TRPM3: variants seen among roughly 807,000 people sequenced by gnomAD.
TRPM3 encodes transient receptor potential cation channel subfamily M member 3, also known as long transient receptor potential channel 3.
Under a neutral mutation model 181.2 loss-of-function variants are expected in TRPM3, and 77 were observed. The ratio of observed to expected loss-of-function variants is 0.42; its 90% CI spans 0.35 to 0.51. TRPM3 has a LOEUF of 0.51. TRPM3 is among the 20% of genes least tolerant of loss of function. The pLI is 0.01. For missense variants in TRPM3, 1,759 were observed against 2,196.7 expected (o/e 0.80, Z 3.98); for synonymous variants, 745 against 796.4 (o/e 0.94, Z 1.09).
At chr9:71,261,767 G>A (rs1306678510) in intron 1 of TRPM3, among the ~76,000 whole-genome samples, 2 of 152,164 alleles carry the variant, frequency 1.3e-5, no homozygotes, top group Non-Finnish European at 2.9e-5. Context: ...CCCCTTTTCT[G>A]CAGGTCTGCT....
Position 70,620,459 on chromosome 9 carries a change from G to T in TRPM3, c.1840-94C>A. ...GTATATCTTCTCCCAGCTAGCTCTG[G>T]GATCAATACTGAAATGAACGAGGCC... On this transcript the variant is annotated intron_variant, in intron 15 of 25. Transcript: ENST00000677713. 5.8e-6 allele frequency: 8 copies of T among 1,379,764 alleles called. No homozygotes were observed. The South Asian group carries it at 1.1e-4, about 19-fold the overall frequency. 85.5% of individuals were successfully genotyped at this position (1,379,764 alleles called of 1,614,324 possible).
intron 1 of TRPM3, among the ~76,000 whole-genome samples, chr9:70,948,199 T>C (rs1164235759): frequency 6.6e-6 from 1 of 151,898 alleles, no homozygotes; most frequent in Non-Finnish European, 1.5e-5. Context: ...TAATATATCA[T>C]CTTGGCTTAT....
At chr9:71,140,846 T>C (rs1467124885) in intron 1 of TRPM3, among the ~76,000 whole-genome samples, 1 of 152,080 alleles carries the variant, frequency 6.6e-6, no homozygotes, top group African/African-American at 2.4e-5. Context: ...AATATAAACA[T>C]AAGCAAGGTA....
rs191862130 is a variant in TRPM3 at position 70,577,103 on chromosome 9, C to A, written c.3223+13928G>T. 3.9e-5 allele frequency among the ~76,000 whole-genome samples: 6 copies of A among 152,306 alleles called. No individual in the cohort carries two copies. The East Asian group carries it at 1.2e-3, about 29-fold the overall frequency. ...TTTTCTCCCTGGCAGTTATGACCACCCCAAAGTATGCTGTTTATTTGTTGA... is the reference window on the plus strand; with the variant it reads ...TTTTCTCCCTGGCAGTTATGACCACACCAAAGTATGCTGTTTATTTGTTGA... On this transcript the variant is annotated intron_variant, in intron 22 of 25. Transcript: ENST00000677713.
chr9:70,814,692 C>T (rs866376570), intron 6 of TRPM3, among the ~76,000 whole-genome samples: 1 of 151,972 alleles, frequency 6.6e-6, no homozygotes, highest in African/African-American at 2.4e-5. Flanking sequence ...AAAGGAGAAG[C>T]GGATTGCCAG....
At chr9:71,162,315 T>G (rs1185255620) in intron 1 of TRPM3, among the ~76,000 whole-genome samples, 2 of 152,046 alleles carry the variant, frequency 1.3e-5, no homozygotes, top group African/African-American at 2.4e-5. Context: ...TTTTCTGGCT[T>G]TCTGGTAACC....
chr9:71,297,459 T>C (rs2086382147), intron 1 of TRPM3, among the ~76,000 whole-genome samples: 1 of 152,116 alleles, frequency 6.6e-6, no homozygotes, highest in Non-Finnish European at 1.5e-5. Context: ...TCTGCCAGCC[T>C]GGGGAGGCCT....
intron 1 of TRPM3, among the ~76,000 whole-genome samples, chr9:71,113,921 C>G (rs1173148974): frequency 6.6e-6 from 1 of 152,146 alleles, no homozygotes; most frequent in African/African-American, 2.4e-5. Context: ...TCCAAGTTTG[C>G]AAGGTCCACC....
At chr9:70,979,069 C>G (rs190976990) in intron 1 of TRPM3, among the ~76,000 whole-genome samples, 202 of 152,292 alleles carry the variant, frequency 1.3e-3, no homozygotes, top group African/African-American at 4.6e-3. Flanking sequence ...ACAACTACAA[C>G]TACTTTCAGG....
At chr9:71,407,621 G>A (rs2093462081) in intron 1 of TRPM3, among the ~76,000 whole-genome samples, 1 of 152,234 alleles carries the variant, frequency 6.6e-6, no homozygotes, top group African/African-American at 2.4e-5. Context: ...ACACCTGCCT[G>A]CCTCTGTAGA....
intron 6 of TRPM3, among the ~76,000 whole-genome samples, chr9:70,797,427 G>T (rs1027992058): frequency 6.6e-6 from 1 of 152,064 alleles, no homozygotes; most frequent in Non-Finnish European, 1.5e-5. Flanking sequence ...AAATGTAGTG[G>T]GTTTTTAGGA....
At chr9:71,046,101 C>T (rs373783128) in intron 1 of TRPM3, among the ~76,000 whole-genome samples, 17 of 151,988 alleles carry the variant, frequency 1.1e-4, no homozygotes, top group Middle Eastern at 3.4e-3. Flanking sequence ...AAGCAATTCT[C>T]TGCCTCAGCC....
At chr9:71,072,333 A>G (rs1211911069) in intron 1 of TRPM3, among the ~76,000 whole-genome samples, 2 of 152,112 alleles carry the variant, frequency 1.3e-5, no homozygotes, top group Non-Finnish European at 2.9e-5. Flanking sequence ...TCTACAAAGC[A>G]TTTTGTCTTA....
At chr9:70,836,960 G>A (rs776842885) in intron 5 of TRPM3, among the ~76,000 whole-genome samples, 2 of 152,158 alleles carry the variant, frequency 1.3e-5, no homozygotes, top group African/African-American at 4.8e-5. Context: ...CACTAGAACC[G>A]CATTTCCCAC....
intron 1 of TRPM3, among the ~76,000 whole-genome samples, chr9:71,366,983 A>G (rs930159330): frequency 6.6e-6 from 1 of 152,192 alleles, no homozygotes; most frequent in African/African-American, 2.4e-5. Context: ...AGGCAGATAG[A>G]GGCATTAACT....
At chr9:71,324,660 T>C (rs1281794914) in intron 1 of TRPM3, among the ~76,000 whole-genome samples, 4 of 152,100 alleles carry the variant, frequency 2.6e-5, no homozygotes, top group Non-Finnish European at 5.9e-5. Context: ...AAAAGGATAC[T>C]GCACTCACAT....
chr9:71,096,560 GCACACACACACA>G (rs35388140), intron 1 of TRPM3, among the ~76,000 whole-genome samples: 2 of 78,372 alleles, frequency 2.6e-5, no homozygotes, highest in Non-Finnish European at 4.5e-5. Flanking sequence ...GTGAGCGCAT[GCACACACACACA>G]CACACACACA....
chr9:71,272,696 T>C (rs1213663863), intron 1 of TRPM3, among the ~76,000 whole-genome samples: 1 of 152,076 alleles, frequency 6.6e-6, no homozygotes, highest in African/African-American at 2.4e-5. Context: ...ATATAATTTA[T>C]ATATTCTCAT....
intron 12 of TRPM3, among the ~76,000 whole-genome samples, chr9:70,634,313 T>C (rs910871398): frequency 2.0e-5 from 3 of 152,128 alleles, no homozygotes; most frequent in African/African-American, 4.8e-5. Flanking sequence ...TTTCACCATG[T>C]TAACCAGACC....
Sources: gnomAD v4.1 joint callset for allele counts (sites outside exome capture counted in the v4.1 genomes callset) on GRCh38, gnomAD v4.1.1 for gene constraint, MANE v1.5 for transcripts, NCBI Gene and HGNC (gene_info 2026-07-23, HGNC 2026-07-21) for gene names.